Variants in SOX5 observed in about 807,000 individuals in gnomAD.
The protein encoded by SOX5 is transcription factor SOX-5.
In SOX5, 9 loss-of-function variants were observed where a neutral mutation model predicts 92.0. The ratio of observed to expected loss-of-function variants is 0.10; its 90% CI spans 0.06 to 0.17. The LOEUF (loss-of-function observed/expected upper bound fraction) is 0.17. Ranked by LOEUF, SOX5 falls within the 10% of genes least tolerant of loss-of-function variation. SOX5 has a pLI of 1.00. For synonymous variants in SOX5, 344 were observed against 336.3 expected, an observed-to-expected ratio of 1.02 and a Z score of -0.25; for missense variants, 642 against 944.5, an observed-to-expected ratio of 0.68 and a Z score of 4.20.
intron 1 of SOX5, among the ~76,000 whole-genome samples, chr12:24,395,791 T>C (rs10771082): frequency 0.45 from 67,758 of 151,982 alleles, 15,593 homozygotes; most frequent in Non-Finnish European, 0.52. Context: ...TCTAATCTTC[T>C]AGAAGTCTCT....
At chr12:23,919,164 G>T (rs1162549625) in intron 1 of SOX5, among the ~76,000 whole-genome samples, 1 of 152,152 alleles carries the variant, frequency 6.6e-6, no homozygotes, top group African/African-American at 2.4e-5. Context: ...CAGGTAAGCT[G>T]AAGAAACCTG....
intron 8 of SOX5, among the ~76,000 whole-genome samples, chr12:23,639,379 G>A (rs753483905): frequency 1.1e-4 from 16 of 151,996 alleles, no homozygotes; most frequent in Admixed American, 3.3e-4. Context: ...TCCTCTCATC[G>A]CTAATCCAAT....
chr12:24,233,776 A>G (rs1248564828), intron 3 of SOX5, among the ~76,000 whole-genome samples: 1 of 152,252 alleles, frequency 6.6e-6, no homozygotes, highest in South Asian at 2.1e-4. Flanking sequence ...ACCTATGTGC[A>G]TATTTGGCAT....
chr12:23,857,018 G>A (rs2096700231), intron 2 of SOX5, among the ~76,000 whole-genome samples: 1 of 152,074 alleles, frequency 6.6e-6, no homozygotes, highest in Admixed American at 6.6e-5. Flanking sequence ...TTCATGTATA[G>A]AGAGTCATTT....
At chr12:23,762,729 TCA>T in intron 3 of SOX5, 2 of 427,564 alleles carry the variant, frequency 4.7e-6, no homozygotes, top group Non-Finnish European at 8.3e-6. Context: ...TCTTGTTGCA[TCA>T]GCTGAACCTG....
chr12:23,709,051 G>A (rs141568380), intron 6 of SOX5, among the ~76,000 whole-genome samples: 3 of 151,666 alleles, frequency 2.0e-5, no homozygotes, highest in African/African-American at 7.2e-5. Flanking sequence ...TTGCCACAGA[G>A]TAGAAGGTTA....
chr12:23,879,984 A>C (rs1394892633), intron 2 of SOX5, among the ~76,000 whole-genome samples: 2 of 152,182 alleles, frequency 1.3e-5, no homozygotes, highest in African/African-American at 4.8e-5. Flanking sequence ...ATTTCATGAT[A>C]ACAAAATAAC....
chr12:24,516,248 A>G (rs983098208), intron 1 of SOX5, among the ~76,000 whole-genome samples: 5 of 151,856 alleles, frequency 3.3e-5, no homozygotes, highest in African/African-American at 1.2e-4. Flanking sequence ...AGGTCTCACC[A>G]TGTTACCCCA....
chr12:23,887,226 A>G (rs1407441700), intron 2 of SOX5, among the ~76,000 whole-genome samples: 1 of 152,166 alleles, frequency 6.6e-6, no homozygotes, highest in Non-Finnish European at 1.5e-5. Flanking sequence ...AAGGAAGTAT[A>G]TATCAGAGCA....
chr12:23,910,401 C>A (rs1034954733), intron 1 of SOX5, among the ~76,000 whole-genome samples: 15 of 152,050 alleles, frequency 9.9e-5, no homozygotes, highest in Admixed American at 6.6e-5. Context: ...TCTCATGTGT[C>A]CAAGAACATC....
At chr12:24,077,994 T>C (rs1291076285) in intron 4 of SOX5, among the ~76,000 whole-genome samples, 1 of 151,600 alleles carries the variant, frequency 6.6e-6, no homozygotes, top group Non-Finnish European at 1.5e-5. Context: ...TCCATTGAAT[T>C]ATAGTGCACA....
intron 8 of SOX5, among the ~76,000 whole-genome samples, chr12:23,623,088 G>C (rs1464736459): frequency 1.3e-5 from 2 of 152,098 alleles, no homozygotes; most frequent in African/African-American, 4.8e-5. Context: ...GTTTGTGTGT[G>C]TGCAGGAGAC....
intron 1 of SOX5, among the ~76,000 whole-genome samples, chr12:24,482,168 C>T (rs888150050): frequency 2.0e-5 from 3 of 152,136 alleles, no homozygotes; most frequent in African/African-American, 2.4e-5. Context: ...CTAGTGCTGC[C>T]ATTTATGCAT....
intron 1 of SOX5, among the ~76,000 whole-genome samples, chr12:24,461,680 A>G (rs544117884): frequency 3.2e-4 from 48 of 152,302 alleles, no homozygotes; most frequent in Non-Finnish European, 5.9e-4. Context: ...AACTTTATGT[A>G]ATAATAGTAA....
intron 4 of SOX5, among the ~76,000 whole-genome samples, chr12:23,749,407 GTTGTTGTTT>G (rs1470776284): frequency 6.6e-6 from 1 of 151,800 alleles, no homozygotes. Flanking sequence ...ACATGATAAT[GTTGTTGTTT>G]TTGCTTCAGT....
chr12:24,020,300 G>A (rs955004104), intron 4 of SOX5, among the ~76,000 whole-genome samples: 13 of 152,164 alleles, frequency 8.5e-5, no homozygotes, highest in Admixed American at 3.9e-4. Context: ...CCCTTTGATC[G>A]TTACACCTGA....
Position 23,543,328 on chromosome 12 carries a change from T to G in SOX5, c.1654A>C (p.Asn552His), listed in dbSNP as rs1263177849. 1 of 1,614,024 alleles carries G rather than the reference T, an allele frequency of 6.2e-7. No individual in the cohort carries two copies. Among genetic ancestry groups the G allele is most frequent in the Non-Finnish European group, 8.5e-7 (1 of 1,179,876 alleles). ...IYRESRGRGS[N>H]EPHIKRPMNA... ...ATTGGACGCTTTATGTGGGGTTCAT[T>G]GCTACCACGCCCTCGGGATTCCCTA... Residue 552 changes from asparagine to histidine, a missense_variant, in exon 13 of 15, where the codon AAT becomes CAT. By Grantham distance (68) the Asn-to-His change is moderately conservative (BLOSUM62 1). Around this residue, in one of 8 missense-constraint regions of SOX5, gnomAD observed 24 missense variants for 84.4 expected, o/e 0.28. Transcript: ENST00000451604.
chr12:24,166,377 G>T (rs561261704), intron 4 of SOX5, among the ~76,000 whole-genome samples: 15 of 152,206 alleles, frequency 9.9e-5, no homozygotes, highest in Non-Finnish European at 1.8e-4. Flanking sequence ...AGAAAAGTGT[G>T]AGGTGGAAAT....
intron 1 of SOX5, among the ~76,000 whole-genome samples, chr12:23,938,653 C>G (rs1943073010): frequency 6.6e-6 from 1 of 150,824 alleles, no homozygotes; most frequent in Admixed American, 6.6e-5. Context: ...ACTTAATATA[C>G]TGATACTTGC....
Sources: gnomAD v4.1 joint callset for allele counts (sites outside exome capture counted in the v4.1 genomes callset) on GRCh38, gnomAD v4.1.1 for gene constraint, gnomAD v4.1.1 regional missense constraint, MANE v1.5 for transcripts, NCBI Gene and HGNC (gene_info 2026-07-23, HGNC 2026-07-21) for gene names.